TMOD2: variants seen among roughly 807,000 people sequenced by gnomAD.
The protein encoded by TMOD2 is tropomodulin 2.
Under a neutral mutation model 39.9 loss-of-function variants are expected in TMOD2, and 22 were observed. The observed-to-expected ratio is 0.55, with a 90% confidence interval of 0.39 to 0.79. TMOD2 has a LOEUF of 0.79. Ranked by LOEUF, TMOD2 falls within the 30% of genes least tolerant of loss-of-function variation. The pLI, the probability that TMOD2 is intolerant of heterozygous loss-of-function variation, is 0.00. For missense variants in TMOD2, 386 were observed against 413.3 expected, an observed-to-expected ratio of 0.93 and a Z score of 0.57; for synonymous variants, 123 against 146.1, an observed-to-expected ratio of 0.84 and a Z score of 1.14.
chr15:51,796,594 A>G (rs1220657930), intron 7 of TMOD2, among the ~76,000 whole-genome samples: 2 of 152,232 alleles, frequency 1.3e-5, no homozygotes, highest in Non-Finnish European at 1.5e-5. Flanking sequence ...GTCTTTTCCT[A>G]TACTACACAC....
At chr15:51,775,111 G>A (rs1422771719) in intron 4 of TMOD2, among the ~76,000 whole-genome samples, 1 of 152,200 alleles carries the variant, frequency 6.6e-6, no homozygotes, top group Non-Finnish European at 1.5e-5. Flanking sequence ...GGGCAGATGA[G>A]CTGGCAGCCA....
intron 1 of TMOD2, among the ~76,000 whole-genome samples, chr15:51,757,842 A>G (rs2055753280): frequency 6.6e-6 from 1 of 152,140 alleles, no homozygotes; most frequent in Non-Finnish European, 1.5e-5. Context: ...TCTCCACAGT[A>G]TTTCTATATT....
intron 1 of TMOD2, among the ~76,000 whole-genome samples, chr15:51,764,974 C>A (rs2055806820): frequency 6.6e-6 from 1 of 152,060 alleles, no homozygotes; most frequent in Admixed American, 6.6e-5. Context: ...TCTCACTAAG[C>A]TGTGATCTTG....
At chr15:51,763,655 C>T (rs1026765029) in intron 1 of TMOD2, among the ~76,000 whole-genome samples, 1 of 152,192 alleles carries the variant, frequency 6.6e-6, no homozygotes, top group Non-Finnish European at 1.5e-5. Flanking sequence ...CACCTCCCCA[C>T]GATTGTCTGC....
At chr15:51,777,167 A>C in intron 5 of TMOD2, 149 bp downstream of exon 5, 1 of 645,944 alleles carries the variant, frequency 1.5e-6, no homozygotes, top group South Asian at 1.8e-5. Context: ...AGAACAGAGC[A>C]GCTGACAATG....
At chr15:51,768,782 C>T (rs961640839) in intron 3 of TMOD2, among the ~76,000 whole-genome samples, 2 of 142,420 alleles carry the variant, frequency 1.4e-5, no homozygotes, top group African/African-American at 2.6e-5. Context: ...GGAACTGTCC[C>T]GGAAATGGGA....
intron 1 of TMOD2, among the ~76,000 whole-genome samples, chr15:51,758,810 GCAGT>G: frequency 6.6e-6 from 1 of 152,302 alleles, no homozygotes; most frequent in African/African-American, 2.4e-5. Flanking sequence ...GAGTAGGATA[GCAGT>G]CAGCCAGAGG....
intron 3 of TMOD2, among the ~76,000 whole-genome samples, chr15:51,770,996 G>A (rs972178371): frequency 7.2e-5 from 11 of 152,202 alleles, no homozygotes; most frequent in Non-Finnish European, 1.5e-4. Context: ...AGCATAATAA[G>A]TTGAAAGCTG....
At chr15:51,791,478 C>T (rs1264816079) in intron 7 of TMOD2, among the ~76,000 whole-genome samples, 1 of 152,244 alleles carries the variant, frequency 6.6e-6, no homozygotes, top group African/African-American at 2.4e-5. Context: ...CTACTGCTGA[C>T]TTTCTTCACA....
chr15:51,792,405 A>G (rs1433800796), intron 7 of TMOD2, among the ~76,000 whole-genome samples: 1 of 152,210 alleles, frequency 6.6e-6, no homozygotes, highest in African/African-American at 2.4e-5. Flanking sequence ...ATGCTTTTAC[A>G]CTGTTGGTGG....
rs769672069 is a variant in TMOD2 at position 51,798,208 on chromosome 15, C to G, written c.744C>G (p.Asp248Glu). Reference protein sequence around the residue: ...SNDPVAIAFADMLKVNKTLTS... With the variant: ...SNDPVAIAFAEMLKVNKTLTS... ...TTTTGCATCATAAGGCTTTTGCAGA[C>G]ATGCTGAAAGTAAACAAGACCTTGA... Residue 248 changes from aspartate (D) to glutamate (E), a missense_variant, in exon 8 of 10, where the codon GAC becomes GAG. Asp to Glu is a conservative substitution (Grantham distance 45). Transcript: ENST00000249700. 1.0e-5 allele frequency: 16 copies of G among 1,598,294 alleles called. No homozygotes were observed. Among genetic ancestry groups the G allele is most frequent in the Non-Finnish European group, 1.4e-5 (16 of 1,175,814 alleles).
At chr15:51,776,789 A>G in intron 4 of TMOD2, 143 bp from the exon 5 acceptor site, 1 of 642,122 alleles carries the variant, frequency 1.6e-6, no homozygotes, top group Non-Finnish European at 2.8e-6. Flanking sequence ...AACGCTATAC[A>G]TGTACCACAC....
At chr15:51,797,099 A>G (rs771128479) in intron 7 of TMOD2, among the ~76,000 whole-genome samples, 22 of 152,342 alleles carry the variant, frequency 1.4e-4, no homozygotes, top group Admixed American at 3.9e-4. Context: ...TTGTCCATTT[A>G]ACGTTTTCCC....
intron 7 of TMOD2, among the ~76,000 whole-genome samples, chr15:51,794,966 CTT>C (rs934268402): frequency 6.6e-6 from 1 of 152,142 alleles, no homozygotes; most frequent in Non-Finnish European, 1.5e-5. Flanking sequence ...AATTATATGA[CTT>C]ATATAAATAT....
chr15:51,801,280 C>T (rs1258317800), intron 8 of TMOD2, among the ~76,000 whole-genome samples: 1 of 139,396 alleles, frequency 7.2e-6, no homozygotes, highest in East Asian at 2.1e-4. Context: ...CACACACACA[C>T]ACACCCTGTC....
chr15:51,789,671 CA>C (rs1461346257), intron 7 of TMOD2, among the ~76,000 whole-genome samples: 2 of 152,200 alleles, frequency 1.3e-5, no homozygotes, highest in African/African-American at 4.8e-5. Flanking sequence ...TCTCAGACCA[CA>C]GTGCAACCAA....
intron 8 of TMOD2, among the ~76,000 whole-genome samples, chr15:51,798,592 G>C (rs2056067875): frequency 6.6e-6 from 1 of 152,204 alleles, no homozygotes; most frequent in South Asian, 2.1e-4. Context: ...AGGCTAGTCA[G>C]GCTCCAGAAG....
intron 7 of TMOD2, among the ~76,000 whole-genome samples, chr15:51,789,547 C>G (rs1460539809): frequency 3.3e-5 from 5 of 152,212 alleles, no homozygotes; most frequent in Non-Finnish European, 5.9e-5. Flanking sequence ...CCGAAATCAA[C>G]AGAATGTACG....
chr15:51,778,813 C>G (rs1204121919), intron 5 of TMOD2, among the ~76,000 whole-genome samples: 1 of 152,004 alleles, frequency 6.6e-6, no homozygotes, highest in African/African-American at 2.4e-5. Context: ...TGCCACCACA[C>G]CCAACTAATT....
Sources: allele counts gnomAD v4.1 joint callset (sites outside exome capture counted in the v4.1 genomes callset), GRCh38; gene constraint gnomAD v4.1.1; transcripts MANE v1.5; gene names NCBI Gene and HGNC (gene_info 2026-07-23, HGNC 2026-07-21).